The following ST3GAL6 variants were observed in gnomAD, a reference collection of about 807,000 sequenced individuals.
The protein encoded by ST3GAL6 is ST3 beta-galactoside alpha-2,3-sialyltransferase 6.
Under a neutral mutation model 40.5 loss-of-function variants are expected in ST3GAL6, and 31 were observed. The ratio of observed to expected loss-of-function variants is 0.77; its 90% CI spans 0.58 to 1.03. The LOEUF is 1.03. Among genes scored for constraint, ST3GAL6 ranks in the 50% least tolerant of loss-of-function variants. ST3GAL6 has a pLI of 0.00. For synonymous variants in ST3GAL6, 129 were observed against 136.9 expected (o/e 0.94, Z 0.40); for missense variants, 357 against 393.2 (o/e 0.91, Z 0.78).
chr3:98,784,870 G>A (rs1940535932), intron 5 of ST3GAL6, 75 bp from the exon 6 acceptor site: 1 of 1,220,680 alleles, frequency 8.2e-7, no homozygotes, highest in African/African-American at 1.5e-5. Flanking sequence ...CTGGGTTTCT[G>A]ACAGTATGCA....
rs1940530487 is a variant in ST3GAL6 at position 98,784,833 on chromosome 3, T to C, written c.336-112T>C. 22 of 777,366 alleles carry C rather than the reference T, an allele frequency of 2.8e-5. No homozygotes were observed. The East Asian group carries it at 5.2e-4, about 18-fold the overall frequency. The allele number at this position is 777,366 out of a possible 1,614,324, so 48.2% of individuals were successfully genotyped here. A position where few individuals can be genotyped will look rare whatever the true frequency, so the allele number is the denominator to read the frequency against. On this transcript the variant is annotated intron_variant, in intron 5 of 9. Coordinates refer to ENST00000483910, the MANE Select transcript of ST3GAL6 (RefSeq NM_001323368.2). ...TGTAAGTCGCAGTTGGTTCTTTTTC[T>C]ACTTGCGCAACAAGTGGAATTTGGC...
chr3:98,736,648 C>T (rs1216085859), intron 1 of ST3GAL6, among the ~76,000 whole-genome samples: 1 of 152,170 alleles, frequency 6.6e-6, no homozygotes, highest in Admixed American at 6.5e-5. Flanking sequence ...TGGGACTTCC[C>T]TAATGGTCAA....
intron 1 of ST3GAL6, among the ~76,000 whole-genome samples, chr3:98,736,839 CAG>C (rs1165661502): frequency 6.6e-6 from 1 of 152,104 alleles, no homozygotes; most frequent in Non-Finnish European, 1.5e-5. Flanking sequence ...GTTTGAGAAA[CAG>C]AAGGTGCAGT....
intron 1 of ST3GAL6, among the ~76,000 whole-genome samples, chr3:98,751,794 T>C (rs1937025714): frequency 1.3e-5 from 2 of 152,196 alleles, no homozygotes; most frequent in Admixed American, 6.5e-5. Context: ...TAAGTGAGGA[T>C]TTACTATAAG....
intron 1 of ST3GAL6, among the ~76,000 whole-genome samples, chr3:98,755,533 T>C (rs1937353784): frequency 6.6e-6 from 1 of 152,222 alleles, no homozygotes; most frequent in Non-Finnish European, 1.5e-5. Context: ...TTTCTGCTTT[T>C]AAGAAACAGC....
rs1355489083 is a variant in ST3GAL6 at position 98,756,426 on chromosome 3, GC to G, written c.-11-12000del. 2.3e-6 allele frequency: 3 copies of G among 1,289,672 alleles called. No homozygotes were observed. In the East Asian group the frequency reaches 1.7e-4, roughly 72 times the overall value. 79.9% of individuals were successfully genotyped at this position (1,289,672 alleles called of 1,614,324 possible). A position where few individuals can be genotyped will look rare whatever the true frequency, so the allele number is the denominator to read the frequency against. On this transcript the variant is annotated intron_variant, in intron 1 of 9. Transcript: ENST00000265261. Reference sequence around the variant, plus strand: ...GTTTTAGATAATTTCTAACAGAGAGGCCCCAGCAATTCAGCAGGCAGCGTCC... The same window carrying G: ...GTTTTAGATAATTTCTAACAGAGAGGCCCAGCAATTCAGCAGGCAGCGTCC...
chr3:98,793,507 A>C (rs1941379677), intron 9 of ST3GAL6, among the ~76,000 whole-genome samples, 168 bp from the exon 10 acceptor site: 1 of 151,954 alleles, frequency 6.6e-6, no homozygotes. Flanking sequence ...CACAAGAACC[A>C]GCAAGGAAAG....
intron 5 of ST3GAL6, among the ~76,000 whole-genome samples, chr3:98,781,442 C>T (rs545599666): frequency 6.2e-4 from 93 of 149,912 alleles, no homozygotes; most frequent in African/African-American, 1.9e-3. Context: ...CAAACCTGCA[C>T]GTTCTGCACA....
chr3:98,734,178 CTT>C (rs1935321952), intron 1 of ST3GAL6, among the ~76,000 whole-genome samples: 1 of 152,152 alleles, frequency 6.6e-6, no homozygotes, highest in African/African-American at 2.4e-5. Context: ...ATAAAACTGT[CTT>C]TTTATTTACA....
chr3:98,744,211 G>C (rs975823421), intron 1 of ST3GAL6, among the ~76,000 whole-genome samples: 4 of 152,198 alleles, frequency 2.6e-5, no homozygotes, highest in Non-Finnish European at 4.4e-5. Flanking sequence ...GCATGGCCCT[G>C]CTAACACCTT....
chr3:98,748,145 G>A (rs1936706347), intron 1 of ST3GAL6, among the ~76,000 whole-genome samples: 1 of 152,158 alleles, frequency 6.6e-6, no homozygotes, highest in African/African-American at 2.4e-5. Flanking sequence ...GTCATTCTGT[G>A]CAAATTGAAA....
At chr3:98,755,938 CCT>C (rs1559730555) in intron 1 of ST3GAL6, among the ~76,000 whole-genome samples, 1 of 152,018 alleles carries the variant, frequency 6.6e-6, no homozygotes, top group Non-Finnish European at 1.5e-5. Flanking sequence ...TCCTCATTCT[CCT>C]CTCTCCTTCT....
chr3:98,780,009 A>T (rs190037920), intron 5 of ST3GAL6, among the ~76,000 whole-genome samples: 32 of 152,324 alleles, frequency 2.1e-4, no homozygotes, highest in Admixed American at 1.6e-3. Flanking sequence ...AAGTTATGTT[A>T]ATTAAATATG....
rs1046458665 is a variant in ST3GAL6, at chr3:98,733,511, T to A, written c.-12+979T>A. On this transcript the variant is annotated intron_variant, in intron 1 of 9. Transcript: ENST00000265261. ...TCTGGTCTCTTACCGTATAAAGTTT[T>A]TCGAGAAACCCTTTTTCCCTCCACA... The A allele has an allele frequency of 4.1e-6, 4 of 986,376 alleles. No individual in the cohort carries two copies. In the African/African-American group the frequency reaches 7.0e-5, roughly 17 times the overall value. 61.1% of individuals were successfully genotyped at this position (986,376 alleles called of 1,614,324 possible). A position where few individuals can be genotyped will look rare whatever the true frequency, so the allele number is the denominator to read the frequency against.
At chr3:98,736,018 T>A (rs967639392) in intron 1 of ST3GAL6, among the ~76,000 whole-genome samples, 1 of 152,202 alleles carries the variant, frequency 6.6e-6, no homozygotes, top group Non-Finnish European at 1.5e-5. Flanking sequence ...GTTATGAAAG[T>A]AAAAGATAAC....
Position 98,737,813 on chromosome 3 carries a change from A to G in ST3GAL6, c.-12+5281A>G, listed in dbSNP as rs547451790. ...GAGAAAAGTCTGGCAAGCAAATGGA[A>G]AACAGAAAAAAGCAGGGGTTGCTAT... On this transcript the variant is annotated intron_variant, in intron 1 of 9. Coordinates refer to the ST3GAL6 transcript ENST00000265261. Among the ~76,000 whole-genome samples, 14 of 152,302 alleles carry G rather than the reference A, an allele frequency of 9.2e-5. No individual in the cohort carries two copies. The East Asian group carries it at 2.7e-3, about 29-fold the overall frequency.
intron 5 of ST3GAL6, among the ~76,000 whole-genome samples, chr3:98,775,249 C>G (rs1362513370): frequency 6.6e-6 from 1 of 152,028 alleles, no homozygotes; most frequent in Admixed American, 6.6e-5. Flanking sequence ...GAAGCTGAGG[C>G]GGGCAGATCG....
At chr3:98,733,012 G>A (rs1228296015) in intron 1 of ST3GAL6, 3 of 1,451,668 alleles carry the variant, frequency 2.1e-6, no homozygotes, top group East Asian at 2.8e-5. Context: ...CACTGCCCGG[G>A]TGAGGGAAAT....
At position 98,757,353 on chromosome 3, in the gene ST3GAL6, C is replaced by G. The variant is rs144218537; in HGVS notation, c.-11-11077C>G. On this transcript the variant is annotated intron_variant, in intron 1 of 9. Coordinates refer to the ST3GAL6 transcript ENST00000265261. Reference sequence around the variant, plus strand: ...GGAACCTCTTAAGCTCTTGCTTGTTCCTATTGAGATTGCTCATGAGGGTTT... The same window carrying G: ...GGAACCTCTTAAGCTCTTGCTTGTTGCTATTGAGATTGCTCATGAGGGTTT... 1.3e-5 allele frequency among the ~76,000 whole-genome samples: 2 copies of G among 152,208 alleles called. 1 individual carries two copies. Among genetic ancestry groups the G allele is most frequent in the Non-Finnish European group, 2.9e-5 (2 of 68,020 alleles).
Sources: allele counts gnomAD v4.1 joint callset (sites outside exome capture counted in the v4.1 genomes callset), GRCh38; gene constraint gnomAD v4.1.1; transcripts MANE v1.5; gene names NCBI Gene and HGNC (gene_info 2026-07-23, HGNC 2026-07-21).